Variants in KIAA1328 observed in about 807,000 individuals in gnomAD.
KIAA1328 encodes the protein KIAA1328, also known as protein hinderin.
A neutral mutation model predicts 68.1 loss-of-function variants in KIAA1328; 52 were observed. The observed-to-expected ratio is 0.76, with a 90% confidence interval of 0.61 to 0.96. The LOEUF is 0.96. KIAA1328 is among the 40% of genes least tolerant of loss of function. KIAA1328 has a pLI of 0.00. For synonymous variants in KIAA1328, 232 were observed against 239.4 expected (o/e 0.97, Z 0.28); for missense variants, 641 against 677.6 (o/e 0.95, Z 0.60).
At chr18:37,151,029 A>G (rs184176115) in intron 7 of KIAA1328, among the ~76,000 whole-genome samples, 5 of 152,310 alleles carry the variant, frequency 3.3e-5, no homozygotes, top group Admixed American at 1.3e-4. Flanking sequence ...ACATGATTGT[A>G]TACATGGAAA....
chr18:37,074,500 T>A lies in KIAA1328; in HGVS notation c.1232+6955T>A, dbSNP rs1412636978. Among the ~76,000 whole-genome samples the A allele has an allele frequency of 5.3e-5, 8 of 152,298 alleles. No homozygotes were observed. In the South Asian group the frequency reaches 1.7e-3, roughly 32 times the overall value. ...GGAGGCTTTGTTCATTTCCTTTTAT[T>A]CTTTTTTCTCTTAACTTCCCTTCTC... On this transcript the variant is annotated intron_variant, in intron 7 of 9. Transcript: ENST00000280020.
intron 6 of KIAA1328, among the ~76,000 whole-genome samples, chr18:37,056,047 A>G (rs986510724): frequency 6.6e-6 from 1 of 152,218 alleles, no homozygotes; most frequent in Non-Finnish European, 1.5e-5. Flanking sequence ...GAGACTGACC[A>G]GGCCTATAAA....
rs147101130 is a variant in KIAA1328, at chr18:36,923,213, G to A, written c.449-36095G>A. The stretch of plus-strand genomic sequence containing the variant: ...ACCACTGAAATCCTACATTAGAAAA[G>A]AAGAAAGGTCCCAAATCAGTAAAAT... On this transcript the variant is annotated intron_variant, in intron 5 of 9. Coordinates refer to ENST00000280020, the MANE Select transcript of KIAA1328 (RefSeq NM_020776.3). Among the ~76,000 whole-genome samples, 189 of 152,154 alleles carry A rather than the reference G, an allele frequency of 1.2e-3. 3 individuals are homozygous for A. In the East Asian group the frequency reaches 0.033, roughly 27 times the overall value.
chr18:37,094,074 T>A (rs1458835330), intron 7 of KIAA1328, among the ~76,000 whole-genome samples: 1 of 152,218 alleles, frequency 6.6e-6, no homozygotes, highest in Non-Finnish European at 1.5e-5. Context: ...TGTTTCACCT[T>A]AGATCATCAG....
At chr18:37,008,866 A>T (rs373101694) in intron 6 of KIAA1328, among the ~76,000 whole-genome samples, 28 of 152,310 alleles carry the variant, frequency 1.8e-4, no homozygotes, top group African/African-American at 6.3e-4. Context: ...AGTCTTAAGA[A>T]GGGGAAAAAG....
intron 6 of KIAA1328, among the ~76,000 whole-genome samples, chr18:37,010,417 T>A (rs1283588836): frequency 1.6e-5 from 2 of 124,218 alleles, no homozygotes; most frequent in Admixed American, 1.0e-4. Flanking sequence ...CACTCCAGCC[T>A]GTGCAACAGA....
chr18:37,006,377 T>G (rs1256867613), intron 6 of KIAA1328, among the ~76,000 whole-genome samples: 1 of 152,082 alleles, frequency 6.6e-6, no homozygotes. Context: ...CAATAAAACA[T>G]AGCTAAGTAG....
intron 5 of KIAA1328, among the ~76,000 whole-genome samples, chr18:36,920,419 T>C (rs2049874453): frequency 6.6e-6 from 1 of 152,232 alleles, no homozygotes; most frequent in Non-Finnish European, 1.5e-5. Flanking sequence ...TGTCTTTTTT[T>C]TTGTGCCAGT....
chr18:37,082,441 GGATTACAGGCGT>G (rs1186518635), intron 7 of KIAA1328, among the ~76,000 whole-genome samples: 2 of 152,070 alleles, frequency 1.3e-5, no homozygotes, highest in Non-Finnish European at 2.9e-5. Flanking sequence ...CAAAGTGCTG[GGATTACAGGCGT>G]GAGCCACCCC....
intron 6 of KIAA1328, among the ~76,000 whole-genome samples, chr18:36,969,783 A>G (rs547264791): frequency 7.2e-5 from 11 of 152,006 alleles, no homozygotes; most frequent in Non-Finnish European, 1.0e-4. Flanking sequence ...AACTCTTTCT[A>G]TGAGGCCAAC....
intron 6 of KIAA1328, among the ~76,000 whole-genome samples, chr18:37,039,827 A>G (rs73419010): frequency 0.032 from 4,807 of 152,234 alleles, 272 homozygotes; most frequent in African/African-American, 0.11. Flanking sequence ...TGGGTTCTCC[A>G]CTGGGGATAC....
chr18:37,012,479 G>A (rs1377924954), intron 6 of KIAA1328, among the ~76,000 whole-genome samples: 1 of 152,200 alleles, frequency 6.6e-6, no homozygotes, highest in Non-Finnish European at 1.5e-5. Context: ...ATGTGAAATA[G>A]GCAGAACCTA....
intron 7 of KIAA1328, among the ~76,000 whole-genome samples, chr18:37,071,411 C>T (rs952023512): frequency 7.9e-5 from 12 of 152,196 alleles, no homozygotes; most frequent in Admixed American, 2.6e-4. Flanking sequence ...TATGATTTCC[C>T]ATATGGTTGG....
At chr18:36,937,376 A>G (rs931331848) in intron 5 of KIAA1328, among the ~76,000 whole-genome samples, 4 of 152,208 alleles carry the variant, frequency 2.6e-5, no homozygotes, top group Admixed American at 6.5e-5. Flanking sequence ...TAATTAAACT[A>G]AAGAGCTTCT....
chr18:36,911,042 T>C (rs2049426248), intron 5 of KIAA1328, among the ~76,000 whole-genome samples: 1 of 152,130 alleles, frequency 6.6e-6, no homozygotes, highest in Non-Finnish European at 1.5e-5. Flanking sequence ...GTGGCTTTCC[T>C]GACTGACGAC....
chr18:37,212,456 A>C (rs1017127551), intron 9 of KIAA1328, among the ~76,000 whole-genome samples: 5 of 152,264 alleles, frequency 3.3e-5, no homozygotes, highest in Non-Finnish European at 7.4e-5. Flanking sequence ...CCAGTGTAAA[A>C]TGAAAATGTG....
chr18:36,844,697 G>A (rs1284486355), intron 4 of KIAA1328, among the ~76,000 whole-genome samples: 3 of 151,724 alleles, frequency 2.0e-5, no homozygotes, highest in Non-Finnish European at 4.4e-5. Flanking sequence ...ATCTATTATT[G>A]CCTTGCTAAT....
chr18:36,897,726 A>G (rs1405647421), intron 5 of KIAA1328, among the ~76,000 whole-genome samples: 1 of 152,092 alleles, frequency 6.6e-6, no homozygotes, highest in Non-Finnish European at 1.5e-5. Flanking sequence ...CTAGTTCAGC[A>G]GTATAGAGGA....
At chr18:37,228,434 A>G (rs2060650148), downstream of KIAA1328, among the ~76,000 whole-genome samples, 1 of 152,202 alleles carries the variant, frequency 6.6e-6, no homozygotes, top group Admixed American at 6.5e-5. Context: ...GTCTTATTTT[A>G]AGAAATTGCT....
Sources: allele counts gnomAD v4.1 joint callset (sites outside exome capture counted in the v4.1 genomes callset), GRCh38; gene constraint gnomAD v4.1.1; transcripts MANE v1.5; gene names NCBI Gene and HGNC (gene_info 2026-07-23, HGNC 2026-07-21).